The following PPP1R14C variants were observed in gnomAD, a reference collection of about 807,000 sequenced individuals.
The protein encoded by PPP1R14C is protein phosphatase 1 regulatory subunit 14C.
A neutral mutation model predicts 20.4 loss-of-function variants in PPP1R14C; 16 were observed. That is an observed-to-expected ratio of 0.78 (90% CI 0.53 to 1.19). PPP1R14C has a LOEUF of 1.19. Among genes scored for constraint, PPP1R14C ranks in the 50% most tolerant of loss-of-function variants. The probability of loss-of-function intolerance (pLI) is 0.00; values close to 1 mark genes in which losing one functional copy is unlikely to be tolerated. For synonymous variants in PPP1R14C, 91 were observed against 91.0 expected, an observed-to-expected ratio of 1.00 and a Z score of 0.00; for missense variants, 211 against 220.1, an observed-to-expected ratio of 0.96 and a Z score of 0.26.
intron 1 of PPP1R14C, among the ~76,000 whole-genome samples, chr6:150,192,385 C>T (rs1278306206): frequency 1.3e-5 from 2 of 152,176 alleles, no homozygotes; most frequent in African/African-American, 2.4e-5. Context: ...ATTAGATTCT[C>T]ATGAGGAGCA....
chr6:150,145,373 G>A (rs1013306938), intron 1 of PPP1R14C, among the ~76,000 whole-genome samples: 1 of 152,164 alleles, frequency 6.6e-6, no homozygotes, highest in African/African-American at 2.4e-5. Flanking sequence ...AATTCAAGAT[G>A]CTCTATATGC....
intron 3 of PPP1R14C, among the ~76,000 whole-genome samples, chr6:150,234,685 C>A (rs1289153229): frequency 1.3e-5 from 2 of 151,392 alleles, no homozygotes; most frequent in Non-Finnish European, 2.9e-5. Context: ...CCTGTCTCTA[C>A]TAAAAATACA....
At chr6:150,196,250 T>C in intron 1 of PPP1R14C, 1 of 440,976 alleles carries the variant, frequency 2.3e-6, no homozygotes, top group Non-Finnish European at 3.0e-6. Flanking sequence ...TCTTCAGCCC[T>C]GCTTGCCTTT....
intron 1 of PPP1R14C, among the ~76,000 whole-genome samples, chr6:150,210,662 C>T (rs187074164): frequency 6.1e-4 from 93 of 152,308 alleles, no homozygotes; most frequent in Non-Finnish European, 9.6e-4. Context: ...AAGAAGTTGA[C>T]GGACAGCTTT....
intron 1 of PPP1R14C, among the ~76,000 whole-genome samples, chr6:150,209,716 C>T (rs111210682): frequency 0.016 from 1,761 of 113,510 alleles, 27 homozygotes; most frequent in African/African-American, 0.054. Flanking sequence ...TGCATGTGAG[C>T]GTATGAGTAG....
chr6:150,169,805 T>A (rs947676974), intron 1 of PPP1R14C, among the ~76,000 whole-genome samples: 2 of 152,214 alleles, frequency 1.3e-5, no homozygotes, highest in Non-Finnish European at 2.9e-5. Context: ...CAAATCTGAT[T>A]TGTGCATCAT....
rs1014944974 is a variant in PPP1R14C at position 150,171,802 on chromosome 6, CT to C, written c.306+28311del. ...ATCAGCATTCAGAATTTCTCCATTT[CT>C]TTTTTTCTTTTTTCTTTTTTTTGAG... On this transcript the variant is annotated intron_variant, in intron 1 of 3. Transcript: ENST00000361131. 2.0e-5 allele frequency among the ~76,000 whole-genome samples: 3 copies of C among 152,082 alleles called. No individual in the cohort carries two copies. The South Asian group carries it at 6.2e-4, about 32-fold the overall frequency.
In PPP1R14C at chr6:150,178,797, G is replaced by C. The variant is rs2144399; in HGVS notation, c.306+35299G>C. On this transcript the variant is annotated intron_variant, in intron 1 of 3. Coordinates refer to ENST00000361131, the MANE Select transcript of PPP1R14C (RefSeq NM_030949.3). ...AGATGGACTTGGTTTGTCTGAAATA[G>C]GGAAACATCTAGGTGTAGATTTTCA... is the stretch of plus-strand genomic sequence containing the variant. Among the ~76,000 whole-genome samples the C allele has an allele frequency of 7.1e-3, 1,082 of 152,214 alleles. 11 individuals carry two copies. Among genetic ancestry groups the C allele is most frequent in the African/African-American group, 0.025 (1,018 of 41,522 alleles).
At chr6:150,175,365 C>T (rs542935644) in intron 1 of PPP1R14C, among the ~76,000 whole-genome samples, 8 of 152,352 alleles carry the variant, frequency 5.3e-5, no homozygotes, top group African/African-American at 1.7e-4. Context: ...AGAGGTCACA[C>T]ATGGACCCAG....
chr6:150,240,403 G>T (rs1778417525), intron 3 of PPP1R14C, among the ~76,000 whole-genome samples: 1 of 152,226 alleles, frequency 6.6e-6, no homozygotes, highest in Admixed American at 6.5e-5. Flanking sequence ...CTGAAACGAA[G>T]GTACGCCCCA....
chr6:150,207,021 T>A (rs1777961029), intron 1 of PPP1R14C, among the ~76,000 whole-genome samples: 1 of 151,960 alleles, frequency 6.6e-6, no homozygotes, highest in Non-Finnish European at 1.5e-5. Context: ...CATGCCACTA[T>A]CCTCGTCTAA....
intron 1 of PPP1R14C, among the ~76,000 whole-genome samples, chr6:150,178,073 C>T (rs531750012): frequency 3.2e-4 from 48 of 152,176 alleles, no homozygotes; most frequent in Non-Finnish European, 6.0e-4. Flanking sequence ...CGTGTGTCTC[C>T]TGGAGCCGCG....
chr6:150,224,720 C>T (rs1452099740), intron 3 of PPP1R14C, among the ~76,000 whole-genome samples: 1 of 152,208 alleles, frequency 6.6e-6, no homozygotes, highest in Non-Finnish European at 1.5e-5. Context: ...TTTTAAATGC[C>T]TGGATGGATA....
intron 1 of PPP1R14C, among the ~76,000 whole-genome samples, chr6:150,148,575 C>G (rs17079360): frequency 0.17 from 26,451 of 152,182 alleles, 2,766 homozygotes; most frequent in East Asian, 0.56. Flanking sequence ...CAGACTTTTC[C>G]AGGTACAGTA....
chr6:150,168,476 T>G (rs961014168), intron 1 of PPP1R14C, among the ~76,000 whole-genome samples: 6 of 151,922 alleles, frequency 3.9e-5, no homozygotes, highest in African/African-American at 1.2e-4. Context: ...GAGCTTGCAG[T>G]GAGCCGAGAT....
At chr6:150,226,685 AG>A (rs1435540188) in intron 3 of PPP1R14C, among the ~76,000 whole-genome samples, 6 of 151,980 alleles carry the variant, frequency 3.9e-5, no homozygotes, top group Admixed American at 2.0e-4. Flanking sequence ...GATAAACATC[AG>A]GTTTTTCTTT....
intron 3 of PPP1R14C, among the ~76,000 whole-genome samples, chr6:150,220,326 G>A (rs1251906007): frequency 6.6e-6 from 1 of 152,206 alleles, no homozygotes; most frequent in Non-Finnish European, 1.5e-5. Flanking sequence ...AATTCCCTAT[G>A]TGAGGGTTGA....
At chr6:150,241,901 A>AG (rs1220607854) in intron 3 of PPP1R14C, among the ~76,000 whole-genome samples, 12 of 152,258 alleles carry the variant, frequency 7.9e-5, no homozygotes, top group African/African-American at 2.9e-4. Context: ...AGAAAAAAAA[A>AG]GTGTCAGAAT....
Position 150,207,948 on chromosome 6 carries a change from C to T in PPP1R14C, c.307-6796C>T, listed in dbSNP as rs530569661. The stretch of plus-strand genomic sequence containing the variant: ...TGGCTTCTGGTGACAGCGTTCATCC[C>T]GTGTAATAGCATGGCAGAAAACTGG... On this transcript the variant is annotated intron_variant, in intron 1 of 3. Coordinates refer to ENST00000361131, the MANE Select transcript of PPP1R14C (RefSeq NM_030949.3). Among the ~76,000 whole-genome samples the T allele has an allele frequency of 5.9e-5, 9 of 151,998 alleles. No homozygotes were observed. In the South Asian group the frequency reaches 1.0e-3, roughly 18 times the overall value.
Sources: gnomAD v4.1 joint callset for allele counts (sites outside exome capture counted in the v4.1 genomes callset) on GRCh38, gnomAD v4.1.1 for gene constraint, MANE v1.5 for transcripts, NCBI Gene and HGNC (gene_info 2026-07-23, HGNC 2026-07-21) for gene names.